The following KSR2 variants were observed in gnomAD, a reference collection of about 807,000 sequenced individuals.
KSR2 encodes kinase suppressor of ras 2.
Under a neutral mutation model 107.8 loss-of-function variants are expected in KSR2, and 25 were observed. The ratio of observed to expected loss-of-function variants is 0.23; its 90% CI spans 0.17 to 0.32. The LOEUF is 0.32. Ranked by LOEUF, KSR2 falls within the 10% of genes least tolerant of loss-of-function variation. The probability of loss-of-function intolerance (pLI) is 1.00; values close to 1 mark genes in which losing one functional copy is unlikely to be tolerated. For missense variants in KSR2, 887 were observed against 1,268.9 expected (o/e 0.70, Z 4.57); for synonymous variants, 480 against 507.0 (o/e 0.95, Z 0.71).
intron 1 of KSR2, among the ~76,000 whole-genome samples, chr12:117,885,342 A>T (rs995063457): frequency 5.9e-5 from 9 of 152,312 alleles, no homozygotes; most frequent in African/African-American, 2.2e-4. Flanking sequence ...TCTGTGAAGT[A>T]GGGTTCATGC....
chr12:117,802,472 G>A (rs1193188940), intron 3 of KSR2, among the ~76,000 whole-genome samples: 1 of 152,196 alleles, frequency 6.6e-6, no homozygotes, highest in Admixed American at 6.5e-5. Flanking sequence ...GGGGATGAGG[G>A]CATGGGCATC....
intron 4 of KSR2, among the ~76,000 whole-genome samples, chr12:117,671,372 G>C (rs1214387312): frequency 6.6e-6 from 1 of 152,218 alleles, no homozygotes; most frequent in Non-Finnish European, 1.5e-5. Context: ...AGACGGCAGA[G>C]AGACAGACAG....
At chr12:117,895,496 C>G (rs1262110789) in intron 1 of KSR2, among the ~76,000 whole-genome samples, 1 of 152,110 alleles carries the variant, frequency 6.6e-6, no homozygotes, top group Non-Finnish European at 1.5e-5. Context: ...GTGTTGGAAT[C>G]TGGCATTTTT....
At chr12:117,600,276 T>TTTCCCAGGTTTC (rs1352700914) in intron 5 of KSR2, among the ~76,000 whole-genome samples, 6 of 152,114 alleles carry the variant, frequency 3.9e-5, no homozygotes, top group African/African-American at 1.4e-4. Flanking sequence ...AATCCTAACG[T>TTTCCCAGGTTTC]GCAATCTTCC....
intron 4 of KSR2, among the ~76,000 whole-genome samples, chr12:117,689,043 C>A (rs981397182): frequency 6.6e-6 from 1 of 152,178 alleles, no homozygotes; most frequent in South Asian, 2.1e-4. Flanking sequence ...ACTCTCACTG[C>A]CTGTCTCAGT....
intron 4 of KSR2, among the ~76,000 whole-genome samples, chr12:117,755,499 AC>A (rs1888757490): frequency 6.6e-6 from 1 of 152,058 alleles, no homozygotes; most frequent in African/African-American, 2.4e-5. Flanking sequence ...GGTGCCACAA[AC>A]CGTGCCCATA....
At chr12:117,854,874 G>GAA (rs35476760) in intron 3 of KSR2, among the ~76,000 whole-genome samples, 1 of 143,026 alleles carries the variant, frequency 7.0e-6, no homozygotes, top group African/African-American at 2.6e-5. Context: ...TTTATTAGGT[G>GAA]AAAAAAAAAA....
chr12:117,871,715 C>G (rs1566060704), intron 1 of KSR2, among the ~76,000 whole-genome samples: 2 of 151,304 alleles, frequency 1.3e-5, no homozygotes, highest in East Asian at 1.9e-4. Flanking sequence ...TATTTGCACA[C>G]AGAGAGAGAG....
In KSR2 at chr12:117,625,713, C is replaced by G. The variant is rs557438508; in HGVS notation, c.1171+41761G>C. On this transcript the variant is annotated intron_variant, in intron 5 of 19. Coordinates refer to ENST00000339824, the MANE Select transcript of KSR2 (RefSeq NM_173598.6). ...GCTTTGGTATCAGGATGATGTTGGCCTCATAAAATGAGTTAGGGAGGATTC... is the reference window on the plus strand; with the variant it reads ...GCTTTGGTATCAGGATGATGTTGGCGTCATAAAATGAGTTAGGGAGGATTC... Among the ~76,000 whole-genome samples the G allele has an allele frequency of 5.3e-5, 8 of 152,214 alleles. No homozygotes were observed. In the South Asian group the frequency reaches 1.7e-3, roughly 32 times the overall value.
chr12:117,936,533 TTAG>T (rs60536021), intron 1 of KSR2, among the ~76,000 whole-genome samples: 5,041 of 119,484 alleles, frequency 0.042, 109 homozygotes, highest in East Asian at 0.064. Context: ...ATTATTATTA[TTAG>T]TAGTAGTAGT....
At chr12:117,555,318 G>A in intron 8 of KSR2, 25 bp from the exon 9 acceptor site, 1 of 1,612,738 alleles carries the variant, frequency 6.2e-7, no homozygotes, top group Non-Finnish European at 8.5e-7. Flanking sequence ...ACATTGATTT[G>A]GGAGTTTAAG....
At chr12:117,859,138 A>AG (rs1893197187) in intron 2 of KSR2, among the ~76,000 whole-genome samples, 1 of 131,982 alleles carries the variant, frequency 7.6e-6, no homozygotes, top group Non-Finnish European at 1.6e-5. Context: ...TATGAGCTGA[A>AG]CTTTTTTTTT....
intron 5 of KSR2, among the ~76,000 whole-genome samples, chr12:117,622,680 T>C (rs1882257019): frequency 6.6e-6 from 1 of 152,168 alleles, no homozygotes; most frequent in African/African-American, 2.4e-5. Flanking sequence ...ATCCACTCTG[T>C]GCCATAAAGC....
At chr12:117,843,384 C>T (rs1055222168) in intron 3 of KSR2, among the ~76,000 whole-genome samples, 1 of 152,196 alleles carries the variant, frequency 6.6e-6, no homozygotes, top group Non-Finnish European at 1.5e-5. Flanking sequence ...AACTGAGCCC[C>T]GACCATGTCT....
chr12:117,569,752 G>A (rs1237603174), intron 7 of KSR2, among the ~76,000 whole-genome samples: 2 of 152,076 alleles, frequency 1.3e-5, no homozygotes, highest in Non-Finnish European at 1.5e-5. Flanking sequence ...GTATAATAGG[G>A]ATTATAATGC....
At chr12:117,949,391 A>G (rs780450672) in intron 1 of KSR2, among the ~76,000 whole-genome samples, 13 of 152,214 alleles carry the variant, frequency 8.5e-5, no homozygotes, top group Non-Finnish European at 1.9e-4. Context: ...GGATACATAA[A>G]TAACTCTTGA....
At chr12:117,527,808 T>C (rs567502673) in intron 12 of KSR2, among the ~76,000 whole-genome samples, 1 of 152,234 alleles carries the variant, frequency 6.6e-6, no homozygotes, top group Non-Finnish European at 1.5e-5. Context: ...ATTGGATAAA[T>C]GGAGTGTCGT....
intron 3 of KSR2, among the ~76,000 whole-genome samples, chr12:117,848,841 G>GTGGTGA (rs1555249536): frequency 1.3e-4 from 19 of 141,872 alleles, no homozygotes; most frequent in South Asian, 7.4e-4. Context: ...GGTAGTGGTG[G>GTGGTGA]TGATGGTGAT....
intron 5 of KSR2, among the ~76,000 whole-genome samples, chr12:117,647,056 G>T (rs886785024): frequency 6.6e-6 from 1 of 152,116 alleles, no homozygotes; most frequent in African/African-American, 2.4e-5. Flanking sequence ...GCCACACAGA[G>T]AAAAAAGAGA....
Sources: gnomAD v4.1 joint callset for allele counts (sites outside exome capture counted in the v4.1 genomes callset) on GRCh38, gnomAD v4.1.1 for gene constraint, MANE v1.5 for transcripts, NCBI Gene and HGNC (gene_info 2026-07-23, HGNC 2026-07-21) for gene names.